NRXN1: variants seen among roughly 807,000 people sequenced by gnomAD.
The protein encoded by NRXN1 is neurexin 1.
A neutral mutation model predicts 150.9 loss-of-function variants in NRXN1; 39 were observed. The ratio of observed to expected loss-of-function variants is 0.26; its 90% CI spans 0.20 to 0.34. NRXN1 has a LOEUF of 0.34. NRXN1 is among the 10% of genes least tolerant of loss of function. NRXN1 has a pLI of 1.00. For synonymous variants in NRXN1, 924 were observed against 757.0 expected, an observed-to-expected ratio of 1.22 and a Z score of -3.62; for missense variants, 1,815 against 1,949.9, an observed-to-expected ratio of 0.93 and a Z score of 1.30.
Position 50,283,266 on chromosome 2 carries a change from C to A in NRXN1, c.3365-46296G>T, listed in dbSNP as rs187064048. ...CACCTATTCTGTTATTAGCCTCCAA[C>A]TTTTTAAGATGTACTAAAAAGACAA... On this transcript the variant is annotated intron_variant, in intron 17 of 22. Coordinates refer to ENST00000401669, the MANE Select transcript of NRXN1 (RefSeq NM_001330078.2). Among the ~76,000 whole-genome samples, 40 of 152,282 alleles carry A rather than the reference C, an allele frequency of 2.6e-4. No homozygotes were observed. In the South Asian group the frequency reaches 5.0e-3, roughly 19 times the overall value.
chr2:50,081,213 A>T (rs1012570229), intron 19 of NRXN1, among the ~76,000 whole-genome samples: 52 of 152,172 alleles, frequency 3.4e-4, no homozygotes, highest in African/African-American at 1.3e-3. Flanking sequence ...ATGATATTTT[A>T]TCCTTTTTGA....
At chr2:50,245,612 C>T (rs1037132337) in intron 17 of NRXN1, among the ~76,000 whole-genome samples, 2 of 151,836 alleles carry the variant, frequency 1.3e-5, no homozygotes, top group East Asian at 1.9e-4. Flanking sequence ...AAATTATTAG[C>T]TGGTCGGTAG....
intron 17 of NRXN1, among the ~76,000 whole-genome samples, chr2:50,420,262 T>G (rs1387223166): frequency 6.6e-6 from 1 of 151,976 alleles, no homozygotes; most frequent in Non-Finnish European, 1.5e-5. Context: ...TATGAAACCA[T>G]ACTTGGCAGA....
intron 2 of NRXN1, among the ~76,000 whole-genome samples, chr2:51,010,106 A>T (rs1483423244): frequency 6.6e-6 from 1 of 152,014 alleles, no homozygotes; most frequent in Non-Finnish European, 1.5e-5. Flanking sequence ...CTGGAAAGTC[A>T]TATAATGGGT....
At chr2:51,024,639 T>A (rs1406895641) in intron 2 of NRXN1, among the ~76,000 whole-genome samples, 1 of 152,152 alleles carries the variant, frequency 6.6e-6, no homozygotes. Context: ...GGTGCATAAG[T>A]TGTTTCAAGG....
intron 18 of NRXN1, among the ~76,000 whole-genome samples, chr2:50,155,744 C>A (rs2152778465): frequency 6.6e-6 from 1 of 151,422 alleles, no homozygotes; most frequent in Non-Finnish European, 1.5e-5. Context: ...GAAACCTCTG[C>A]CTATAAGTAA....
intron 5 of NRXN1, among the ~76,000 whole-genome samples, chr2:50,823,999 A>G (rs1670092313): frequency 6.6e-6 from 1 of 152,194 alleles, no homozygotes; most frequent in South Asian, 2.1e-4. Flanking sequence ...CCTCACACAC[A>G]CAATGAACAA....
intron 17 of NRXN1, among the ~76,000 whole-genome samples, chr2:50,280,290 A>C (rs541308654): frequency 3.4e-4 from 52 of 152,160 alleles, no homozygotes; most frequent in Non-Finnish European, 5.7e-4. Flanking sequence ...AAAAAAAAAA[A>C]AAAACAGATA....
chr2:49,934,805 G>A (rs1670737681), intron 22 of NRXN1, among the ~76,000 whole-genome samples: 1 of 151,816 alleles, frequency 6.6e-6, no homozygotes, highest in Non-Finnish European at 1.5e-5. Context: ...CTCTCTTTTT[G>A]TTTAGTATAA....
At chr2:50,905,696 T>C (rs527363896) in intron 5 of NRXN1, among the ~76,000 whole-genome samples, 1 of 152,174 alleles carries the variant, frequency 6.6e-6, no homozygotes, top group South Asian at 2.1e-4. Context: ...ATCCAAGCAC[T>C]TTTTTTCCAG....
rs549399369 is a variant in NRXN1 at position 50,843,659 on chromosome 2, T to C, written c.832+78210A>G. Among the ~76,000 whole-genome samples the C allele has an allele frequency of 3.5e-4, 54 of 152,226 alleles. 2 individuals are homozygous for C. The highest frequency in any genetic ancestry group is 3.4e-4 in the Non-Finnish European group (23 of 68,042). On this transcript the variant is annotated intron_variant, in intron 5 of 22. Transcript: ENST00000401669. ...ACTACCTATCCGCCATCCAGGTTAC[T>C]GTTTACATTAACACACATTTACTAT...
At chr2:50,329,617 GTATATATATATATA>G (rs1172739306) in intron 17 of NRXN1, among the ~76,000 whole-genome samples, 3 of 13,986 alleles carry the variant, frequency 2.1e-4, no homozygotes, top group Admixed American at 1.6e-3. Flanking sequence ...GTGTGTGTGT[GTATATATATATATA>G]TATATATATA....
chr2:49,948,736 G>T (rs1322128858), intron 21 of NRXN1, among the ~76,000 whole-genome samples: 2 of 151,958 alleles, frequency 1.3e-5, no homozygotes, highest in African/African-American at 4.8e-5. Context: ...GAGAGTGGTA[G>T]AAAGAAACTC....
intron 17 of NRXN1, among the ~76,000 whole-genome samples, chr2:50,311,137 G>A (rs988761476): frequency 1.3e-5 from 2 of 152,018 alleles, no homozygotes; most frequent in African/African-American, 4.8e-5. Context: ...CTATTAGATA[G>A]GGTTTTATAT....
intron 5 of NRXN1, among the ~76,000 whole-genome samples, chr2:50,770,790 G>C (rs921642678): frequency 1.3e-5 from 2 of 152,014 alleles, no homozygotes; most frequent in African/African-American, 4.8e-5. Context: ...GAGACTGGTA[G>C]AGAGAGAGTA....
intron 21 of NRXN1, among the ~76,000 whole-genome samples, chr2:50,028,555 C>A (rs72889545): frequency 0.032 from 4,899 of 152,284 alleles, 261 homozygotes; most frequent in African/African-American, 0.11. Context: ...GGGAGTCTTA[C>A]TCCTTAGGTG....
chr2:50,106,705 A>G (rs1363792543), intron 18 of NRXN1, among the ~76,000 whole-genome samples: 1 of 151,972 alleles, frequency 6.6e-6, no homozygotes, highest in Non-Finnish European at 1.5e-5. Context: ...TACTTTAATC[A>G]GCTGTCTCAA....
intron 18 of NRXN1, among the ~76,000 whole-genome samples, chr2:50,101,413 G>T (rs960718292): frequency 1.3e-5 from 2 of 152,046 alleles, no homozygotes; most frequent in East Asian, 1.9e-4. Flanking sequence ...ATTATTTGTG[G>T]ATTTCATTTA....
intron 5 of NRXN1, among the ~76,000 whole-genome samples, chr2:50,711,923 G>T (rs1259202876): frequency 6.6e-6 from 1 of 152,004 alleles, no homozygotes; most frequent in African/African-American, 2.4e-5. Context: ...GACACCAGAC[G>T]CCGGCACCTT....
Sources: gnomAD v4.1 joint callset for allele counts (sites outside exome capture counted in the v4.1 genomes callset) on GRCh38, gnomAD v4.1.1 for gene constraint, MANE v1.5 for transcripts, NCBI Gene and HGNC (gene_info 2026-07-23, HGNC 2026-07-21) for gene names.